The following SKI variants were observed in gnomAD, a reference collection of about 807,000 sequenced individuals.
SKI encodes SKI proto-oncogene.
A neutral mutation model predicts 59.3 loss-of-function variants in SKI; 23 were observed. That is an observed-to-expected ratio of 0.39 (90% CI 0.28 to 0.55). SKI has a LOEUF of 0.55. Among genes scored for constraint, SKI ranks in the 20% least tolerant of loss-of-function variants. SKI has a pLI of 0.67. For synonymous variants in SKI, 673 were observed against 488.6 expected, an observed-to-expected ratio of 1.38 and a Z score of -4.98; for missense variants, 1,017 against 1,038.9, an observed-to-expected ratio of 0.98 and a Z score of 0.29.
chr1:2,233,243 T>C (rs1212058691), intron 1 of SKI, among the ~76,000 whole-genome samples: 1 of 126,800 alleles, frequency 7.9e-6, no homozygotes, highest in Admixed American at 8.0e-5. Flanking sequence ...GTGGGGGGGG[T>C]CCTGTTCCCA....
At chr1:2,305,367 C>T (rs1045100165) in intron 5 of SKI, among the ~76,000 whole-genome samples, 4 of 152,200 alleles carry the variant, frequency 2.6e-5, no homozygotes, top group Non-Finnish European at 5.9e-5. Flanking sequence ...TGGCAGCTTC[C>T]GCGGCGTGGG....
Position 2,306,724 on chromosome 1 carries a change from G to T in SKI, c.2146G>T (p.Glu716Ter). 1 of 1,533,832 alleles carries T rather than the reference G, an allele frequency of 6.5e-7. No individual in the cohort carries two copies. Residue 716 changes from glutamate (E) to a stop codon, truncating the protein, a stop_gained, in exon 7 of 7, where the codon GAG becomes TAG. Coordinates refer to ENST00000378536, the MANE Select transcript of SKI (RefSeq NM_003036.4). LOFTEE classifies it high-confidence loss of function. Reference sequence around the variant, plus strand: ...ACAGCTGTGGCCGCGGGCCCGCCCCGAGGCTGCGGGCAGCGAGGGCGCTGC... The same window carrying T: ...ACAGCTGTGGCCGCGGGCCCGCCCCTAGGCTGCGGGCAGCGAGGGCGCTGC... ...QEQLWPRARP[E>*]AAGSEGAAEL...
intron 1 of SKI, among the ~76,000 whole-genome samples, chr1:2,282,790 C>T (rs1395753448): frequency 1.3e-5 from 2 of 151,450 alleles, no homozygotes; most frequent in Admixed American, 1.3e-4. Context: ...GGGCGCCAGT[C>T]CTGTCCTTGG....
At chr1:2,306,529 G>GGGGCA in intron 6 of SKI, 48 bp from the exon 7 acceptor site, 2 of 1,519,012 alleles carry the variant, frequency 1.3e-6, no homozygotes, top group East Asian at 2.5e-5. Context: ...GCGTCGGGCC[G>GGGGCA]GGGCAGGGCA....
At chr1:2,271,719 G>A (rs1260112297) in intron 1 of SKI, among the ~76,000 whole-genome samples, 3 of 62,228 alleles carry the variant, frequency 4.8e-5, no homozygotes, top group Non-Finnish European at 7.9e-5. Flanking sequence ...CTGGTCCCCT[G>A]GGGGGGGGTA....
In SKI at chr1:2,269,094, C is replaced by T. The variant is rs994949683; in HGVS notation, c.970-33884C>T. ...GAGTAGCCGAGACTACAGGCACACA[C>T]CACTACATCTGGCTAACGTTTTATA... is the stretch of plus-strand genomic sequence containing the variant. On this transcript the variant is annotated intron_variant, in intron 1 of 6. Transcript: ENST00000378536. This position sits in a 1 kb window ranked among gnomAD's most constrained non-coding sequence, Gnocchi z 4.7. 1.3e-5 allele frequency among the ~76,000 whole-genome samples: 2 copies of T among 152,176 alleles called. No homozygotes were observed. The highest frequency in any genetic ancestry group is 2.4e-5 in the African/African-American group (1 of 41,448).
chr1:2,306,439 C>A, intron 6 of SKI, 138 bp from the exon 7 acceptor site: 3 of 1,033,210 alleles, frequency 2.9e-6, no homozygotes, highest in Non-Finnish European at 4.2e-6. Flanking sequence ...GAGCCTGTGT[C>A]CTAGCAGGTG....
rs1638562525 is a variant in SKI at position 2,228,855 on chromosome 1, G to A, written c.89G>A (p.Ser30Asn). The A allele has an allele frequency of 2.1e-6, 3 of 1,427,828 alleles. No homozygotes were observed. Among genetic ancestry groups the A allele is most frequent in the South Asian group, 1.3e-5 (1 of 76,960 alleles). The allele number at this position is 1,427,828 out of a possible 1,614,324, so 88.4% of individuals were successfully genotyped here. The change falls in exon 1 of 7, where the codon AGC becomes AAC. Residue 30 changes from serine (S) to asparagine (N), a missense_variant. By Grantham distance (46) the Ser-to-Asn change is conservative. Transcript: ENST00000378536. ...GAGCAGTTCCACCTGAGCTCCATGA[G>A]CTCGCTGGGCGGCCCGGCCGCTTTC... is the stretch of plus-strand genomic sequence containing the variant. The part of the protein sequence containing the change: ...TLEQFHLSSM[S>N]SLGGPAAFSA...
Position 2,229,259 on chromosome 1 carries a change from G to A in SKI, c.493G>A (p.Gly165Ser), listed in dbSNP as rs1569658999. The change falls in exon 1 of 7, where the codon GGC becomes AGC. Residue 165 changes from glycine (G) to serine (S), a missense_variant. Gly to Ser is a moderately conservative substitution (Grantham distance 56, BLOSUM62 0). Transcript: ENST00000378536. The surrounding 1 kb of genome is among the most constrained non-coding windows in gnomAD (Gnocchi z 6.3). ...ADQLEILKVM[G>S]ILPFSAPSCG... ...CCAGCTGGAGATCCTCAAAGTCATG[G>A]GCATCCTGCCCTTCTCGGCGCCCTC... 1.2e-6 allele frequency: 2 copies of A among 1,600,900 alleles called. No homozygotes were observed. The highest frequency in any genetic ancestry group is 1.7e-6 in the Non-Finnish European group (2 of 1,174,422).
At position 2,233,859 on chromosome 1, in the gene SKI, C is replaced by T. The variant is rs951312976; in HGVS notation, c.969+4124C>T. Among the ~76,000 whole-genome samples, 5 of 152,180 alleles carry T rather than the reference C, an allele frequency of 3.3e-5. No homozygotes were observed. The East Asian group carries it at 7.7e-4, about 23-fold the overall frequency. On this transcript the variant is annotated intron_variant, in intron 1 of 6. Coordinates refer to ENST00000378536, the MANE Select transcript of SKI (RefSeq NM_003036.4). ...AAGGGACAGCATCAAGAGTTTCTTT[C>T]TGGGACACCCCTCACTCAGCTCAGC...
At chr1:2,256,798 T>A (rs1467284355) in intron 1 of SKI, among the ~76,000 whole-genome samples, 1 of 152,230 alleles carries the variant, frequency 6.6e-6, no homozygotes, top group Admixed American at 6.5e-5. Context: ...CAGAACCTCC[T>A]CTTAGATCTG....
chr1:2,254,544 G>A (rs1241061388), intron 1 of SKI, among the ~76,000 whole-genome samples: 2 of 152,188 alleles, frequency 1.3e-5, no homozygotes, highest in African/African-American at 4.8e-5. Context: ...TTGAAGACGC[G>A]GCCTCTGGCT....
At chr1:2,274,786 T>A (rs1211751604) in intron 1 of SKI, among the ~76,000 whole-genome samples, 1 of 152,158 alleles carries the variant, frequency 6.6e-6, no homozygotes, top group Non-Finnish European at 1.5e-5. Flanking sequence ...GGGACCCCAC[T>A]TTCTGGGTGG....
chr1:2,298,993 G>A (rs1012244877), intron 1 of SKI, among the ~76,000 whole-genome samples: 1 of 152,206 alleles, frequency 6.6e-6, no homozygotes, highest in Non-Finnish European at 1.5e-5. Context: ...GTGAGCCCTG[G>A]GTGGGTGGAT....
rs1638549613 is a variant in SKI, at chr1:2,228,405, C to T, written c.-362C>T. On this transcript the variant is annotated 5_prime_UTR_variant, in exon 1 of 7. Coordinates refer to ENST00000378536, the MANE Select transcript of SKI (RefSeq NM_003036.4). ...CTGCCCGCGCGCCCCCCGCGAGCCC[C>T]GGGCCCGCGAGCGTTGGCGTTGGCG... is the stretch of plus-strand genomic sequence containing the variant. Among the ~76,000 whole-genome samples the T allele has an allele frequency of 7.0e-6, 1 of 142,142 alleles. No individual in the cohort carries two copies. The highest frequency in any genetic ancestry group is 2.5e-5 in the African/African-American group (1 of 39,676). The allele number at this position is 142,142 out of a possible 152,430, so 93.3% of individuals were successfully genotyped here. A position where few individuals can be genotyped will look rare whatever the true frequency, so the allele number is the denominator to read the frequency against.
Position 2,303,871 on chromosome 1 carries a change from G to T in SKI, c.1243G>T (p.Val415Leu), listed in dbSNP as rs770481744. The T allele has an allele frequency of 1.9e-6, 3 of 1,612,366 alleles. No homozygotes were observed. The highest frequency in any genetic ancestry group is 2.5e-6 in the Non-Finnish European group (3 of 1,179,822). Residue 415 changes from valine (V) to leucine (L), a missense_variant, in exon 4 of 7, where the codon GTG becomes TTG. By Grantham distance (32) the Val-to-Leu change is conservative. Transcript: ENST00000378536. This position sits in a 1 kb window ranked among gnomAD's most constrained non-coding sequence, Gnocchi z 5.6. The stretch of plus-strand genomic sequence containing the variant: ...CTCCTACAAGAGCTTTGAGACAGCC[G>T]TGGCGCCCAACGTGGCCCTCGCACC... ...FYSYKSFETA[V>L]APNVALAPPA...
chr1:2,300,379 C>A (rs923006575), intron 1 of SKI, among the ~76,000 whole-genome samples: 1 of 151,702 alleles, frequency 6.6e-6, no homozygotes, highest in African/African-American at 2.4e-5. Flanking sequence ...GCTCCAAGGG[C>A]GGGTTTTGAA....
intron 1 of SKI, among the ~76,000 whole-genome samples, chr1:2,276,958 T>C (rs1339310187): frequency 6.6e-6 from 1 of 152,126 alleles, no homozygotes; most frequent in South Asian, 2.1e-4. Context: ...CCCACAGGGA[T>C]GGGGCATTGG....
intron 1 of SKI, among the ~76,000 whole-genome samples, chr1:2,232,318 G>C (rs770456120): frequency 6.6e-6 from 1 of 152,206 alleles, no homozygotes; most frequent in African/African-American, 2.4e-5. Context: ...TGCCTTCCGG[G>C]TGTTTGTGGC....
Sources: allele counts gnomAD v4.1 joint callset (sites outside exome capture counted in the v4.1 genomes callset), GRCh38; gene constraint gnomAD v4.1.1; non-coding constraint Gnocchi (gnomAD v3.1); transcripts MANE v1.5; gene names NCBI Gene and HGNC (gene_info 2026-07-23, HGNC 2026-07-21).